DCDC1: variants seen among roughly 807,000 people sequenced by gnomAD.
The protein encoded by DCDC1 is doublecortin domain-containing protein 1.
Under a neutral mutation model 178.3 loss-of-function variants are expected in DCDC1, and 200 were observed. The ratio of observed to expected loss-of-function variants is 1.12; its 90% CI spans 1.00 to 1.26. DCDC1 has a LOEUF of 1.26. Ranked by LOEUF, DCDC1 falls within the 50% of genes most tolerant of loss-of-function variation. The pLI, the probability that DCDC1 is intolerant of heterozygous loss-of-function variation, is 0.00. For synonymous variants in DCDC1, 690 were observed against 604.8 expected, an observed-to-expected ratio of 1.14 and a Z score of -2.07; for missense variants, 1,983 against 1,749.2, an observed-to-expected ratio of 1.13 and a Z score of -2.38.
chr11:31,309,678 T>A (rs760538732), intron 3 of DCDC1, among the ~76,000 whole-genome samples: 30 of 152,136 alleles, frequency 2.0e-4, no homozygotes, highest in African/African-American at 7.2e-4. Flanking sequence ...TAGAATAAGG[T>A]GTCTTTTTTA....
chr11:31,336,632 T>C (rs1438415353), intron 1 of DCDC1, among the ~76,000 whole-genome samples: 3 of 152,268 alleles, frequency 2.0e-5, no homozygotes, highest in South Asian at 4.1e-4. Context: ...TTTCTAATAA[T>C]TGCATAAACT....
intron 18 of DCDC1, among the ~76,000 whole-genome samples, chr11:31,072,855 A>C (rs1956651793): frequency 6.6e-6 from 1 of 152,162 alleles, no homozygotes; most frequent in African/African-American, 2.4e-5. Flanking sequence ...TTCTAGTATT[A>C]ATAGCTCCAT....
intron 9 of DCDC1, among the ~76,000 whole-genome samples, chr11:31,222,196 G>C (rs756780667): frequency 1.3e-5 from 2 of 152,000 alleles, no homozygotes; most frequent in Non-Finnish European, 2.9e-5. Flanking sequence ...CTAAGTAGCT[G>C]GGATTACAGG....
chr11:31,058,351 G>C (rs1955718075), intron 20 of DCDC1, among the ~76,000 whole-genome samples: 1 of 152,044 alleles, frequency 6.6e-6, no homozygotes. Flanking sequence ...CCATGTACCG[G>C]GTATGTTCCG....
At chr11:31,347,777 T>C (rs1950887890) in intron 1 of DCDC1, among the ~76,000 whole-genome samples, 1 of 152,062 alleles carries the variant, frequency 6.6e-6, no homozygotes, top group Non-Finnish European at 1.5e-5. Flanking sequence ...TACTTGATAA[T>C]GAGAGAGACA....
intron 11 of DCDC1, among the ~76,000 whole-genome samples, chr11:31,124,811 C>T (rs1366154816): frequency 1.3e-5 from 2 of 151,970 alleles, no homozygotes; most frequent in Non-Finnish European, 2.9e-5. Flanking sequence ...TATAAAACCC[C>T]AAACTATAAA....
chr11:30,985,346 A>G (rs183050508), intron 20 of DCDC1, among the ~76,000 whole-genome samples: 102 of 152,310 alleles, frequency 6.7e-4, no homozygotes, highest in Non-Finnish European at 2.9e-4. Flanking sequence ...ATTTCAATCC[A>G]TCAAACAGAA....
chr11:31,294,339 C>T (rs2985140), intron 6 of DCDC1, among the ~76,000 whole-genome samples: 106,422 of 151,366 alleles, frequency 0.7, 38,855 homozygotes, highest in African/African-American at 0.9. Flanking sequence ...CCCAGCACTT[C>T]GGGTGGCCGA....
intron 9 of DCDC1, among the ~76,000 whole-genome samples, chr11:31,230,858 G>A (rs1309156275): frequency 6.6e-6 from 1 of 150,428 alleles, no homozygotes; most frequent in Non-Finnish European, 1.5e-5. Flanking sequence ...AATCTATCCG[G>A]TGAGGTGAAA....
At chr11:31,040,884 T>G (rs1024263925) in intron 20 of DCDC1, among the ~76,000 whole-genome samples, 2 of 152,130 alleles carry the variant, frequency 1.3e-5, no homozygotes, top group African/African-American at 4.8e-5. Flanking sequence ...AAGTTGCAAC[T>G]CCTCTGGGGT....
intron 1 of DCDC1, among the ~76,000 whole-genome samples, chr11:31,356,952 A>T (rs1951410326): frequency 6.6e-6 from 1 of 152,210 alleles, no homozygotes; most frequent in Non-Finnish European, 1.5e-5. Context: ...TCAATAGCTT[A>T]CCAACCAAAA....
rs138832675 is a variant in DCDC1 at position 30,934,617 on chromosome 11, G to T, written c.2716-2665C>A. 6.5e-3 allele frequency among the ~76,000 whole-genome samples: 995 copies of T among 152,260 alleles called. 6 individuals are homozygous for T. Among genetic ancestry groups the T allele is most frequent in the African/African-American group, 0.023 (951 of 41,548 alleles). ...TGCTCTGGGATCCGACCTCTGCAAC[G>T]TGGGAAAGAGCAATCACAGAGTCTT... On this transcript the variant is annotated intron_variant, in intron 21 of 38. Transcript: ENST00000684477.
chr11:31,058,931 A>T (rs1207797488), intron 20 of DCDC1, among the ~76,000 whole-genome samples: 1 of 152,044 alleles, frequency 6.6e-6, no homozygotes, highest in Non-Finnish European at 1.5e-5. Context: ...TACTATTTTC[A>T]CTATTATAAT....
intron 20 of DCDC1, chr11:30,992,794 A>C (rs1951063652): frequency 6.6e-6 from 1 of 152,196 alleles, no homozygotes; most frequent in African/African-American, 2.4e-5. Flanking sequence ...ATTTCAGGAA[A>C]AGTTACTACT....
chr11:31,222,058 G>A (rs1166841827), intron 9 of DCDC1, among the ~76,000 whole-genome samples: 2 of 151,728 alleles, frequency 1.3e-5, no homozygotes, highest in Non-Finnish European at 2.9e-5. Flanking sequence ...TTTTTGTTTT[G>A]TTTTTTGTTT....
At position 31,110,328 on chromosome 11, in the gene DCDC1, A is replaced by C; in HGVS notation, c.1519T>G (p.Ser507Ala). 1 of 707,146 alleles carries C rather than the reference A, an allele frequency of 1.4e-6. No individual in the cohort carries two copies. The highest frequency in any genetic ancestry group is 2.0e-5 in the Admixed American group (1 of 50,408). The allele number at this position is 707,146 out of a possible 1,614,324, so 43.8% of individuals were successfully genotyped here. A position where few individuals can be genotyped will look rare whatever the true frequency, so the allele number is the denominator to read the frequency against. Residue 507 changes from serine to alanine, a missense_variant, in exon 12 of 39, where the codon TCT becomes GCT. Transcript: ENST00000684477. ...FENGKNTGEI[S>A]VGISKKDLGS... The stretch of plus-strand genomic sequence containing the variant: ...AAATCTTTTTTACTGATACCAACAG[A>C]GATCTCTCCAGTGTTTTTACCATTT...
chr11:31,311,573 G>A (rs1948773325), intron 3 of DCDC1, among the ~76,000 whole-genome samples: 1 of 152,144 alleles, frequency 6.6e-6, no homozygotes, highest in Non-Finnish European at 1.5e-5. Context: ...AGGAATATAA[G>A]AATACAGTGC....
chr11:31,019,183 A>G (rs1401669524), intron 20 of DCDC1, among the ~76,000 whole-genome samples: 4 of 152,122 alleles, frequency 2.6e-5, no homozygotes, highest in African/African-American at 9.7e-5. Context: ...TGGGTTTTGC[A>G]GTTTTTAAGA....
chr11:31,343,413 T>C (rs1950649411), intron 1 of DCDC1, among the ~76,000 whole-genome samples: 1 of 152,046 alleles, frequency 6.6e-6, no homozygotes, highest in African/African-American at 2.4e-5. Context: ...TTCAAGTGAT[T>C]CTCCTGCCTC....
Sources: gnomAD v4.1 joint callset for allele counts (sites outside exome capture counted in the v4.1 genomes callset) on GRCh38, gnomAD v4.1.1 for gene constraint, MANE v1.5 for transcripts, NCBI Gene and HGNC (gene_info 2026-07-23, HGNC 2026-07-21) for gene names.